Variants in CAMKK2 observed in about 807,000 individuals in gnomAD.
The protein encoded by CAMKK2 is calcium/calmodulin dependent protein kinase kinase 2, also known as calcium/calmodulin-dependent protein kinase kinase 2.
In CAMKK2, 30 loss-of-function variants were observed where a neutral mutation model predicts 67.2. The ratio of observed to expected loss-of-function variants is 0.45; its 90% CI spans 0.33 to 0.61. CAMKK2 has a LOEUF of 0.61. CAMKK2 is among the 20% of genes least tolerant of loss of function. CAMKK2 has a pLI of 0.02. For missense variants in CAMKK2, 643 were observed against 802.0 expected, an observed-to-expected ratio of 0.80 and a Z score of 2.39; for synonymous variants, 322 against 326.2, an observed-to-expected ratio of 0.99 and a Z score of 0.14.
chr12:121,283,623 G>A (rs1566131448), intron 1 of CAMKK2, among the ~76,000 whole-genome samples: 1 of 151,950 alleles, frequency 6.6e-6, no homozygotes, highest in Non-Finnish European at 1.5e-5. Context: ...GATCAGCCTG[G>A]GCAACATAGT....
intron 9 of CAMKK2, among the ~76,000 whole-genome samples, chr12:121,254,836 G>A (rs1462501512): frequency 3.3e-5 from 5 of 152,142 alleles, no homozygotes; most frequent in Non-Finnish European, 5.9e-5. Flanking sequence ...CACTATGATG[G>A]TTGATACTGA....
chr12:121,250,541 G>A (rs1360436850), intron 11 of CAMKK2, among the ~76,000 whole-genome samples: 1 of 152,132 alleles, frequency 6.6e-6, no homozygotes, highest in Non-Finnish European at 1.5e-5. Flanking sequence ...CACCATGCAG[G>A]TGTCTGACTA....
At chr12:121,286,603 G>A (rs1175536112) in intron 1 of CAMKK2, among the ~76,000 whole-genome samples, 2 of 152,146 alleles carry the variant, frequency 1.3e-5, no homozygotes, top group African/African-American at 2.4e-5. Flanking sequence ...GAGTACAGTG[G>A]CACAATCTTG....
At chr12:121,271,223 G>A (rs1895690018) in intron 2 of CAMKK2, among the ~76,000 whole-genome samples, 1 of 150,578 alleles carries the variant, frequency 6.6e-6, no homozygotes, top group Non-Finnish European at 1.5e-5. Context: ...TGCTTGAGCG[G>A]AGATTGCACC....
intron 14 of CAMKK2, among the ~76,000 whole-genome samples, chr12:121,246,210 A>T (rs1193722418): frequency 7.1e-6 from 1 of 140,630 alleles, no homozygotes; most frequent in East Asian, 2.1e-4. Flanking sequence ...TGTTCACTTT[A>T]ATTTTATGTT....
chr12:121,290,913 G>C (rs751016017), intron 1 of CAMKK2, among the ~76,000 whole-genome samples: 1 of 152,092 alleles, frequency 6.6e-6, no homozygotes, highest in East Asian at 1.9e-4. Flanking sequence ...TCTGCCTCCC[G>C]GGTTCAAGCG....
At chr12:121,247,560 A>G (rs1432309226) in intron 14 of CAMKK2, among the ~76,000 whole-genome samples, 1 of 152,200 alleles carries the variant, frequency 6.6e-6, no homozygotes, top group Admixed American at 6.5e-5. Flanking sequence ...CCTCGTCTAC[A>G]GGCACAAGGG....
Position 121,239,826 on chromosome 12 carries a change from G to C in CAMKK2, c.*873C>G, listed in dbSNP as rs1455869042. 1 of 152,800 alleles carries C rather than the reference G, an allele frequency of 6.5e-6. No homozygotes were observed. Among genetic ancestry groups the C allele is most frequent in the Non-Finnish European group, 1.5e-5 (1 of 68,484 alleles). The allele number at this position is 152,800 out of a possible 1,614,324, so 9.5% of individuals were successfully genotyped here. On this transcript the variant is annotated 3_prime_UTR_variant, in exon 17 of 17. Transcript: ENST00000404169. ...CTACTGTGCTCTAGAGTTCACTCTA[G>C]TTAGAGACTTGAAAAATGTTTTTGT...
At chr12:121,267,485 T>C (rs994271798) in intron 5 of CAMKK2, among the ~76,000 whole-genome samples, 6 of 151,180 alleles carry the variant, frequency 4.0e-5, no homozygotes. Context: ...CACCATTATC[T>C]ATTGCATATT....
rs562449647 is a variant in CAMKK2 at position 121,246,106 on chromosome 12, T to C, written c.1453-866A>G. 3.9e-5 allele frequency among the ~76,000 whole-genome samples: 6 copies of C among 152,102 alleles called. No individual in the cohort carries two copies. The South Asian group carries it at 1.2e-3, about 32-fold the overall frequency. Reference sequence around the variant, plus strand: ...CTGGGGGGAGGTGAATGGAGAGTCATTGCTGATGGGCGGGGGTGTGAAGTA... The same window carrying C: ...CTGGGGGGAGGTGAATGGAGAGTCACTGCTGATGGGCGGGGGTGTGAAGTA... On this transcript the variant is annotated intron_variant, in intron 14 of 16. Coordinates refer to ENST00000404169, the MANE Select transcript of CAMKK2 (RefSeq NM_001270485.2).
chr12:121,269,717 T>A (rs1320539534), intron 3 of CAMKK2, 136 bp from the exon 4 acceptor site: 2 of 695,832 alleles, frequency 2.9e-6, no homozygotes, highest in East Asian at 5.4e-5. Context: ...GGAGCCCAGG[T>A]TTTTACAAAG....
chr12:121,245,286 G>T lies in CAMKK2; in HGVS notation c.1453-46C>A. The T allele has an allele frequency of 8.0e-7, 1 of 1,243,452 alleles. No individual in the cohort carries two copies. Among genetic ancestry groups the T allele is most frequent in the Non-Finnish European group, 1.2e-6 (1 of 862,944 alleles). 77.0% of individuals were successfully genotyped at this position (1,243,452 alleles called of 1,614,324 possible). On this transcript the variant is annotated intron_variant, in intron 14 of 16. Transcript: ENST00000404169. The surrounding 1 kb of genome is among the most constrained non-coding windows in gnomAD (Gnocchi z 5.8). ...AGGTGGCAGGCAACTGCTTGGCCAT[G>T]TGGGGGCGATTCTGGGCAACATCCT...
At position 121,274,479 on chromosome 12, in the gene CAMKK2, G is replaced by A. The variant is rs767170144; in HGVS notation, c.48C>T (p.Pro16=). ...TGCCCCTGCCCCCCAGCTCATCCTG[G>A]GGGGCGGCCCGGTTGCTGCTGGGCT... ...SSQPSSNRAA[P]QDELGGRGSS... is the part of the protein sequence containing the mutation. Residue 16 remains proline (P), a synonymous_variant, in exon 2 of 17, where the codon CCC becomes CCT. Transcript: ENST00000404169. 1.2e-6 allele frequency: 2 copies of A among 1,612,656 alleles called. No individual in the cohort carries two copies. Among genetic ancestry groups the A allele is most frequent in the African/African-American group, 1.3e-5 (1 of 74,982 alleles).
In CAMKK2 at chr12:121,252,751, G is replaced by T. The variant is rs769968559; in HGVS notation, c.1108-37C>A. On this transcript the variant is annotated intron_variant, in intron 10 of 16. Transcript: ENST00000404169. ...AGAGCTTAGTGTGAGGGCATAAGGG[G>T]TGGTCCAGCCTCCAATCCTCCAGTT... 2.5e-6 allele frequency: 4 copies of T among 1,608,388 alleles called. No homozygotes were observed. In the East Asian group the frequency reaches 8.9e-5, roughly 36 times the overall value.
chr12:121,255,913 T>A, intron 7 of CAMKK2, 109 bp from the exon 8 acceptor site: 1 of 1,018,328 alleles, frequency 9.8e-7, no homozygotes, highest in Non-Finnish European at 1.5e-6. Context: ...AGACAGAAAC[T>A]AGTATTAGAG....
chr12:121,255,862 T>G, intron 7 of CAMKK2, 58 bp from the exon 8 acceptor site: 5 of 1,533,790 alleles, frequency 3.3e-6, no homozygotes, highest in African/African-American at 1.4e-5. Context: ...CATCTCTCTC[T>G]GTCCTCCCCA....
At chr12:121,288,573 C>A (rs1899265278) in intron 1 of CAMKK2, among the ~76,000 whole-genome samples, 1 of 152,146 alleles carries the variant, frequency 6.6e-6, no homozygotes, top group Non-Finnish European at 1.5e-5. Flanking sequence ...CCCTTCTGCA[C>A]CCTGGCCCCC....
chr12:121,249,851 T>C lies in CAMKK2; in HGVS notation c.1259A>G (p.Lys420Arg). The C allele has an allele frequency of 6.2e-7, 1 of 1,614,142 alleles. No homozygotes were observed. The highest frequency in any genetic ancestry group is 8.5e-7 in the Non-Finnish European group (1 of 1,180,000). ...GTCCAGCATACGGGTGATCAGGTCC[T>C]TCAAGTCCTCAGCTATGTCGGGCCT... is the stretch of plus-strand genomic sequence containing the variant. Reference protein sequence around the residue: ...PDQPDIAEDLKDLITRMLDKN... With the variant: ...PDQPDIAEDLRDLITRMLDKN... The change falls in exon 13 of 17, where the codon AAG becomes AGG. Residue 420 changes from lysine to arginine, a missense_variant. Physicochemically the swap from Lys to Arg is conservative, Grantham distance 26. This residue lies in a region of CAMKK2 where 483 missense variants were observed against 625.8 expected (regional missense o/e 0.77). Transcript: ENST00000404169.
chr12:121,272,614 G>A (rs912176012), intron 2 of CAMKK2, among the ~76,000 whole-genome samples: 1 of 150,646 alleles, frequency 6.6e-6, no homozygotes, highest in Admixed American at 6.7e-5. Flanking sequence ...TGTAATCCCA[G>A]CACTTTGGGA....
Sources: allele counts gnomAD v4.1 joint callset (sites outside exome capture counted in the v4.1 genomes callset), GRCh38; gene constraint gnomAD v4.1.1; regional missense constraint gnomAD v4.1.1; non-coding constraint Gnocchi (gnomAD v3.1); transcripts MANE v1.5; gene names NCBI Gene and HGNC (gene_info 2026-07-23, HGNC 2026-07-21).